The following BSPH1 variants were observed in gnomAD, a reference collection of about 807,000 sequenced individuals.
The protein encoded by BSPH1 is binder of sperm 1.
BSPH1 carries 21 observed loss-of-function variants against 22.5 expected under a neutral mutation model. The observed-to-expected ratio is 0.93, with a 90% confidence interval of 0.66 to 1.35. The LOEUF (loss-of-function observed/expected upper bound fraction) is 1.35, where lower values mean the gene tolerates loss of function less well. Ranked by LOEUF, BSPH1 falls within the 40% of genes most tolerant of loss-of-function variation. BSPH1 has a pLI of 0.00. For synonymous variants in BSPH1, 42 were observed against 53.6 expected (o/e 0.78, Z 0.95); for missense variants, 141 against 154.2 (o/e 0.91, Z 0.45).
chr19:47,988,994 C>G (rs774957553), intron 1 of BSPH1, among the ~76,000 whole-genome samples: 1 of 151,920 alleles, frequency 6.6e-6, no homozygotes, highest in Non-Finnish European at 1.5e-5. Flanking sequence ...TGTCTTCCCA[C>G]TAGATCGTGC....
chr19:47,979,855 T>G (rs1034676258), intron 2 of BSPH1, among the ~76,000 whole-genome samples: 6 of 152,172 alleles, frequency 3.9e-5, no homozygotes, highest in Non-Finnish European at 8.8e-5. Flanking sequence ...GTGCTTTTTT[T>G]TGGTCACTGA....
chr19:47,974,255 T>TTCTC (rs757548658), intron 5 of BSPH1, among the ~76,000 whole-genome samples: 3,138 of 133,382 alleles, frequency 0.024, 238 homozygotes, highest in African/African-American at 0.084. Flanking sequence ...CACAGCCACT[T>TTCTC]TCTCTCTCTC....
At chr19:47,976,148 T>C (rs1297921181) in intron 5 of BSPH1, among the ~76,000 whole-genome samples, 1 of 150,964 alleles carries the variant, frequency 6.6e-6, no homozygotes, top group Non-Finnish European at 1.5e-5. Flanking sequence ...ATAAGCTTAT[T>C]TTACTTCATT....
At chr19:47,984,246 T>C (rs1224186012) in intron 1 of BSPH1, among the ~76,000 whole-genome samples, 1 of 148,200 alleles carries the variant, frequency 6.7e-6, no homozygotes, top group African/African-American at 2.5e-5. Flanking sequence ...TATTTTTAAA[T>C]TCAAAGGATT....
At chr19:47,981,788 AAGC>A (rs1969422761) in intron 1 of BSPH1, 1 of 958,546 alleles carries the variant, frequency 1.0e-6, no homozygotes, top group East Asian at 1.1e-4. Flanking sequence ...TTTTTTCTTA[AAGC>A]AGCATTTTTC....
chr19:47,983,838 G>T (rs1482606760), intron 1 of BSPH1, among the ~76,000 whole-genome samples: 5 of 96,624 alleles, frequency 5.2e-5, no homozygotes, highest in East Asian at 5.2e-4. Flanking sequence ...GCTTTGAAGA[G>T]AAATTTTTTT....
chr19:47,978,773 G>A (rs2122248544), intron 3 of BSPH1, among the ~76,000 whole-genome samples: 1 of 152,236 alleles, frequency 6.6e-6, no homozygotes, highest in South Asian at 2.1e-4. Flanking sequence ...TGGTCTTTAG[G>A]CCATACATAT....
chr19:47,989,520 T>C (rs1357862759), intron 1 of BSPH1, among the ~76,000 whole-genome samples: 3 of 151,936 alleles, frequency 2.0e-5, no homozygotes, highest in African/African-American at 7.3e-5. Flanking sequence ...AGAGCTCTCA[T>C]ACATCCCCAC....
At chr19:47,983,557 G>A (rs975239774) in intron 1 of BSPH1, among the ~76,000 whole-genome samples, 45 of 152,068 alleles carry the variant, frequency 3.0e-4, no homozygotes, top group Admixed American at 2.6e-3. Flanking sequence ...CATAAACACA[G>A]TGCACCATCC....
At chr19:47,987,411 A>G (rs963179677) in intron 1 of BSPH1, among the ~76,000 whole-genome samples, 2 of 148,616 alleles carry the variant, frequency 1.3e-5, no homozygotes, top group African/African-American at 5.0e-5. Context: ...TTGGAGACAG[A>G]ATCTCACTCT....
At chr19:47,974,269 CTTT>C (rs558434334) in intron 5 of BSPH1, among the ~76,000 whole-genome samples, 3 of 75,990 alleles carry the variant, frequency 3.9e-5, no homozygotes. Flanking sequence ...CTCTCTCTCT[CTTT>C]TTTTTTTTTT....
intron 5 of BSPH1, among the ~76,000 whole-genome samples, chr19:47,975,131 T>C (rs1199650249): frequency 6.6e-6 from 1 of 152,160 alleles, no homozygotes; most frequent in Non-Finnish European, 1.5e-5. Context: ...GATCATCCCA[T>C]CTCTTCCTTT....
chr19:47,980,898 TA>T, intron 2 of BSPH1, 22 bp downstream of exon 2: 2 of 1,418,822 alleles, frequency 1.4e-6, no homozygotes, highest in South Asian at 1.4e-5. Flanking sequence ...GAAACGCTAA[TA>T]AAAGTTTTTT....
At chr19:47,979,720 A>G in intron 2 of BSPH1, 121 bp from the exon 3 acceptor site, 2 of 449,134 alleles carry the variant, frequency 4.5e-6, no homozygotes, top group Non-Finnish European at 8.0e-6. Flanking sequence ...TTGTTATGGC[A>G]TTATGTTTTC....
chr19:47,980,363 C>A, intron 2 of BSPH1: 1 of 430,774 alleles, frequency 2.3e-6, no homozygotes, highest in Non-Finnish European at 3.1e-6. Flanking sequence ...CCTTCTTTTC[C>A]AGAATACTTG....
At chr19:47,975,251 G>A (rs944316544) in intron 5 of BSPH1, among the ~76,000 whole-genome samples, 2 of 151,838 alleles carry the variant, frequency 1.3e-5, no homozygotes, top group Non-Finnish European at 2.9e-5. Flanking sequence ...GGCTAGTCTC[G>A]AACTCCAGGG....
chr19:47,982,715 A>G (rs1398056918), intron 1 of BSPH1, among the ~76,000 whole-genome samples: 1 of 152,220 alleles, frequency 6.6e-6, no homozygotes, highest in Non-Finnish European at 1.5e-5. Flanking sequence ...CATGTCCGTG[A>G]GCAAATGAGT....
chr19:47,987,408 CAG>C (rs1463142468), intron 1 of BSPH1, among the ~76,000 whole-genome samples: 1 of 141,214 alleles, frequency 7.1e-6, no homozygotes, highest in Non-Finnish European at 1.5e-5. Flanking sequence ...TTTTTGGAGA[CAG>C]AATCTCACTC....
chr19:47,989,114 TTATTATTATTATTA>T (rs1969499117), intron 1 of BSPH1, among the ~76,000 whole-genome samples: 3 of 30,900 alleles, frequency 9.7e-5, no homozygotes, highest in African/African-American at 5.7e-4. Flanking sequence ...CACCGTTTTA[TTATTATTATTATTA>T]TTATTATTAT....
Sources: gnomAD v4.1 joint callset for allele counts (sites outside exome capture counted in the v4.1 genomes callset) on GRCh38, gnomAD v4.1.1 for gene constraint, MANE v1.5 for transcripts, NCBI Gene and HGNC (gene_info 2026-07-23, HGNC 2026-07-21) for gene names.